The following MED13L variants were observed in gnomAD, a reference collection of about 807,000 sequenced individuals.
The protein encoded by MED13L is mediator complex subunit 13L, also known as mediator of RNA polymerase II transcription subunit 13-like.
Under a neutral mutation model 220.9 loss-of-function variants are expected in MED13L, and 7 were observed. That is an observed-to-expected ratio of 0.03 (90% CI 0.02 to 0.06). The LOEUF (loss-of-function observed/expected upper bound fraction) is 0.06, where lower values mean the gene tolerates loss of function less well. Among genes scored for constraint, MED13L ranks in the 10% least tolerant of loss-of-function variants. MED13L has a pLI of 1.00. For synonymous variants in MED13L, 1,011 were observed against 1,015.2 expected, an observed-to-expected ratio of 1.00 and a Z score of 0.08; for missense variants, 1,965 against 2,760.5, an observed-to-expected ratio of 0.71 and a Z score of 6.46.
intron 9 of MED13L, among the ~76,000 whole-genome samples, chr12:116,009,718 C>A (rs534323548): frequency 6.6e-6 from 1 of 152,268 alleles, no homozygotes; most frequent in African/African-American, 2.4e-5. Context: ...GGATAAAAGA[C>A]AACTTTGGAT....
At position 116,236,548 on chromosome 12, in the gene MED13L, C is replaced by G. The variant is rs548132301; in HGVS notation, c.310+920G>C. Among the ~76,000 whole-genome samples, 117 of 151,288 alleles carry G rather than the reference C, an allele frequency of 7.7e-4. 1 individual carries two copies. In the Middle Eastern group the frequency reaches 0.017, roughly 22 times the overall value. Reference sequence around the variant, plus strand: ...AAAAACATCAAGTAACAAAACATTTCAAACACGATCTGAAATTTTTCAGAC... The same window carrying G: ...AAAAACATCAAGTAACAAAACATTTGAAACACGATCTGAAATTTTTCAGAC... On this transcript the variant is annotated intron_variant, in intron 2 of 30. Coordinates refer to ENST00000281928, the MANE Select transcript of MED13L (RefSeq NM_015335.5).
chr12:116,092,736 A>G (rs1872340319), intron 4 of MED13L, among the ~76,000 whole-genome samples: 1 of 152,210 alleles, frequency 6.6e-6, no homozygotes, highest in South Asian at 2.1e-4. Flanking sequence ...CGATAGTTAA[A>G]GTAATATACT....
At chr12:116,094,215 A>G (rs181736487) in intron 4 of MED13L, among the ~76,000 whole-genome samples, 26 of 152,364 alleles carry the variant, frequency 1.7e-4, no homozygotes, top group Non-Finnish European at 3.7e-4. Flanking sequence ...CATACCTAAT[A>G]AAGTTTTATT....
At chr12:116,115,154 T>C (rs1442579839) in intron 2 of MED13L, among the ~76,000 whole-genome samples, 1 of 152,148 alleles carries the variant, frequency 6.6e-6, no homozygotes, top group African/African-American at 2.4e-5. Flanking sequence ...AACCGAGTTC[T>C]AGGTTTAGTA....
intron 2 of MED13L, among the ~76,000 whole-genome samples, chr12:116,193,043 G>A (rs913535315): frequency 6.6e-6 from 1 of 152,120 alleles, no homozygotes; most frequent in African/African-American, 2.4e-5. Context: ...GAGGAAAATC[G>A]CCTGAACTGG....
chr12:116,058,347 T>C (rs973816527), intron 4 of MED13L, among the ~76,000 whole-genome samples: 3 of 152,208 alleles, frequency 2.0e-5, no homozygotes, highest in Non-Finnish European at 4.4e-5. Flanking sequence ...TATTTCAACC[T>C]AAGCAATATT....
At chr12:116,137,312 G>C (rs941733165) in intron 2 of MED13L, among the ~76,000 whole-genome samples, 1 of 152,164 alleles carries the variant, frequency 6.6e-6, no homozygotes, top group African/African-American at 2.4e-5. Context: ...GTGATAATTT[G>C]TGTTCCAATA....
intron 1 of MED13L, among the ~76,000 whole-genome samples, chr12:116,251,678 G>A (rs575686729): frequency 1.4e-4 from 21 of 151,034 alleles, no homozygotes; most frequent in Admixed American, 6.6e-4. Context: ...GGAGAATGGC[G>A]TGAACCCAGG....
intron 1 of MED13L, among the ~76,000 whole-genome samples, chr12:116,244,082 GATTCT>G (rs1189443734): frequency 2.0e-5 from 3 of 152,308 alleles, no homozygotes; most frequent in Non-Finnish European, 4.4e-5. Context: ...TCCTGGGCAG[GATTCT>G]AGGCTGGTGT....
intron 2 of MED13L, among the ~76,000 whole-genome samples, chr12:116,157,309 T>C (rs1024987235): frequency 1.3e-5 from 2 of 152,156 alleles, no homozygotes; most frequent in African/African-American, 4.8e-5. Flanking sequence ...ATTTACTTAA[T>C]ATACTTATCT....
chr12:116,025,444 T>C (rs542081395), intron 4 of MED13L, among the ~76,000 whole-genome samples: 1 of 152,282 alleles, frequency 6.6e-6, no homozygotes, highest in South Asian at 2.1e-4. Flanking sequence ...GCTTATTCAT[T>C]ATTATTCACA....
intron 14 of MED13L, among the ~76,000 whole-genome samples, chr12:115,999,414 G>A (rs556225853): frequency 4.0e-5 from 6 of 151,640 alleles, no homozygotes; most frequent in Admixed American, 2.0e-4. Flanking sequence ...GTTCATCTAC[G>A]CTTGAAATAA....
intron 2 of MED13L, among the ~76,000 whole-genome samples, chr12:116,196,640 C>T (rs540132793): frequency 6.6e-6 from 1 of 152,136 alleles, no homozygotes; most frequent in African/African-American, 2.4e-5. Context: ...ACAATTTATT[C>T]AATCAGAAGT....
chr12:115,994,463 C>CA (rs1414503590), intron 16 of MED13L, among the ~76,000 whole-genome samples: 1 of 151,722 alleles, frequency 6.6e-6, no homozygotes, highest in African/African-American at 2.4e-5. Context: ...AAAACCCCCC[C>CA]AAAAAACAAA....
chr12:116,111,632 A>T, intron 2 of MED13L, 120 bp from the exon 3 acceptor site: 1 of 731,252 alleles, frequency 1.4e-6, no homozygotes, highest in Non-Finnish European at 2.3e-6. Flanking sequence ...TGACTTAAAT[A>T]ATCTCACGCT....
intron 14 of MED13L, among the ~76,000 whole-genome samples, chr12:115,998,448 G>A (rs1176359234): frequency 6.6e-6 from 1 of 152,196 alleles, no homozygotes; most frequent in Admixed American, 6.5e-5. Context: ...ACCGTGCTGT[G>A]CTCACGGCTA....
At chr12:116,037,815 A>T (rs1392367186) in intron 4 of MED13L, among the ~76,000 whole-genome samples, 1 of 152,200 alleles carries the variant, frequency 6.6e-6, no homozygotes, top group Non-Finnish European at 1.5e-5. Flanking sequence ...GCCGTGACTC[A>T]GTATGTCCTT....
chr12:115,977,686 G>T (rs1247411224), intron 23 of MED13L, among the ~76,000 whole-genome samples: 1 of 152,130 alleles, frequency 6.6e-6, no homozygotes, highest in Admixed American at 6.6e-5. Context: ...ATGCTAACTG[G>T]AAGAAGCCAG....
Position 116,009,143 on chromosome 12 carries a change from A to G in MED13L, c.1281-11T>C, listed in dbSNP as rs764718108. 3 of 1,613,942 alleles carry G rather than the reference A, an allele frequency of 1.9e-6. No homozygotes were observed. The highest frequency in any genetic ancestry group is 2.5e-6 in the Non-Finnish European group (3 of 1,179,922). On this transcript the variant is annotated splice_polypyrimidine_tract_variant and intron_variant, in intron 9 of 30. Transcript: ENST00000281928. ...TTTAAAAGCTTATGCCTAAAATGAG[A>G]GTAAACAATTACATCATTATAACAT...
Sources: allele counts gnomAD v4.1 joint callset (sites outside exome capture counted in the v4.1 genomes callset), GRCh38; gene constraint gnomAD v4.1.1; transcripts MANE v1.5; gene names NCBI Gene and HGNC (gene_info 2026-07-23, HGNC 2026-07-21).